Variants in ZNF345 observed in about 807,000 individuals in gnomAD.
ZNF345 encodes the protein zinc finger protein 345.
For missense variants in ZNF345, 527 were observed against 589.9 expected, an observed-to-expected ratio of 0.89 and a Z score of 1.10; for synonymous variants, 166 against 187.9, an observed-to-expected ratio of 0.88 and a Z score of 0.95.
In ZNF345 at chr19:36,877,600, C is replaced by CAT. The variant is rs1568360899; in HGVS notation, c.777_778dup (p.Cys260TyrfsTer132). On this transcript the variant is annotated frameshift_variant, in exon 3 of 3. Transcript: ENST00000420450. LOFTEE classifies it low-confidence loss of function (END_TRUNC). ...CAGAGAATTCATACCGGTGAGAAACCATATATATGTAATGAATGTGGTAAG... is the reference window on the plus strand; with the variant it reads ...CAGAGAATTCATACCGGTGAGAAACCATATATATATGTAATGAATGTGGTAAG... 1 of 1,614,004 alleles carries CAT rather than the reference C, an allele frequency of 6.2e-7. No homozygotes were observed. Among genetic ancestry groups the CAT allele is most frequent in the African/African-American group, 1.3e-5 (1 of 74,982 alleles).
In ZNF345 at chr19:36,878,197, G is replaced by A. The variant is rs767218083; in HGVS notation, c.1367G>A (p.Cys456Tyr). The change falls in exon 3 of 3, where the codon TGT (cysteine) becomes TAT (tyrosine). Residue 456 changes from cysteine (C) to tyrosine (Y), a missense_variant. Transcript: ENST00000420450. ...CATACAGGTGAGAAACTTTATGAAT[G>A]TAAGAACTGTGGGAAGGCTTATGGG... ...RIHTGEKLYE[C>Y]KNCGKAYGRD... is the part of the protein sequence containing the mutation. The A allele has an allele frequency of 9.9e-6, 16 of 1,614,136 alleles. No homozygotes were observed. The East Asian group carries it at 3.3e-4, about 34-fold the overall frequency.
chr19:36,888,917 GC>G (rs1474903155), intron 3 of ZNF345: 8 of 152,106 alleles, frequency 5.3e-5, no homozygotes, highest in African/African-American at 1.7e-4. Context: ...GGACTACAGT[GC>G]CTGCCACCAT....
downstream of ZNF345, among the ~76,000 whole-genome samples, chr19:36,880,567 T>C (rs1245018932): frequency 6.6e-6 from 1 of 151,944 alleles, no homozygotes; most frequent in East Asian, 1.9e-4. Context: ...GGCAGGAGGA[T>C]TGCTGGAAGC....
chr19:36,862,749 TTGG>T (rs901451055), intron 2 of ZNF345, among the ~76,000 whole-genome samples: 1 of 152,010 alleles, frequency 6.6e-6, no homozygotes, highest in Non-Finnish European at 1.5e-5. Context: ...AACCCTTGTT[TTGG>T]TGCGTGTTAA....
At chr19:36,891,369 T>C (rs1836160744) in intron 3 of ZNF345, 4 of 990,006 alleles carry the variant, frequency 4.0e-6, no homozygotes, top group Middle Eastern at 2.3e-4. Flanking sequence ...TACTTTGTTA[T>C]CGTATCGTTT....
intron 3 of ZNF345, among the ~76,000 whole-genome samples, chr19:36,886,498 C>T (rs889554322): frequency 2.0e-5 from 3 of 152,172 alleles, no homozygotes; most frequent in Non-Finnish European, 4.4e-5. Context: ...CAGATCTTAG[C>T]GGAGGAACAT....
rs11670862 is a variant in ZNF345, at chr19:36,877,297, G to C, written c.467G>C (p.Ser156Thr). The C allele has an allele frequency of 5.3e-5, 85 of 1,613,912 alleles. No homozygotes were observed. Among genetic ancestry groups the C allele is most frequent in the Admixed American group, 2.7e-4 (16 of 59,996 alleles). ...YECKECGKAF[S>T]FGSGLIRHQI... Reference sequence around the variant, plus strand: ...TGTAAGGAATGTGGGAAAGCCTTTAGTTTTGGATCAGGCCTTATTCGACAT... The same window carrying C: ...TGTAAGGAATGTGGGAAAGCCTTTACTTTTGGATCAGGCCTTATTCGACAT... The change falls in exon 3 of 3, where the codon AGT becomes ACT. Residue 156 changes from serine to threonine, a missense_variant. Physicochemically the swap from Ser to Thr is moderately conservative, Grantham distance 58. Transcript: ENST00000420450.
chr19:36,861,558 T>TTA (rs911339762), intron 2 of ZNF345, among the ~76,000 whole-genome samples: 3 of 152,124 alleles, frequency 2.0e-5, no homozygotes, highest in African/African-American at 4.8e-5. Context: ...ATCTTTTTAT[T>TTA]TTTATTTATT....
intron 2 of ZNF345, among the ~76,000 whole-genome samples, chr19:36,853,233 CTT>C (rs1428665033): frequency 7.2e-6 from 1 of 138,292 alleles, no homozygotes; most frequent in Non-Finnish European, 1.5e-5. Context: ...CAAAAGCTTG[CTT>C]TCTTTCTTTC....
intron 2 of ZNF345, among the ~76,000 whole-genome samples, chr19:36,856,786 A>G (rs144380920): frequency 0.011 from 1,690 of 151,644 alleles, 17 homozygotes; most frequent in East Asian, 0.055. Context: ...GGAGGCAGAG[A>G]CTGCAGTGAG....
intron 3 of ZNF345, chr19:36,892,307 C>T: frequency 6.2e-7 from 1 of 1,613,738 alleles, no homozygotes; most frequent in Non-Finnish European, 8.5e-7. Flanking sequence ...AAGGTCTTTC[C>T]ACATATCTTA....
At chr19:36,871,096 G>T (rs1436703457) in intron 2 of ZNF345, among the ~76,000 whole-genome samples, 2 of 152,216 alleles carry the variant, frequency 1.3e-5, no homozygotes, top group Non-Finnish European at 2.9e-5. Context: ...TGATCAAGAT[G>T]TTGGCAGATT....
rs2072935483 is a variant in ZNF345, at chr19:36,878,349, G to C, written c.*52G>C. On this transcript the variant is annotated 3_prime_UTR_variant, in exon 3 of 3. Coordinates refer to ENST00000420450, the MANE Select transcript of ZNF345 (RefSeq NM_001242472.2). ...AACATATGACTTAAGAAAATTCATA[G>C]TGGTGAAAATCTCTACAAATAGAAC... 6 of 1,494,402 alleles carry C rather than the reference G, an allele frequency of 4.0e-6. No homozygotes were observed. In the South Asian group the frequency reaches 8.4e-5, roughly 21 times the overall value. The allele number at this position is 1,494,402 out of a possible 1,614,324, so 92.6% of individuals were successfully genotyped here. A position where few individuals can be genotyped will look rare whatever the true frequency, so the allele number is the denominator to read the frequency against.
At chr19:36,880,377 G>A (rs948179946), downstream of ZNF345, among the ~76,000 whole-genome samples, 7 of 151,986 alleles carry the variant, frequency 4.6e-5, no homozygotes, top group Non-Finnish European at 8.8e-5. Flanking sequence ...AGATTATAAA[G>A]TGTGAGAAGA....
intron 2 of ZNF345, among the ~76,000 whole-genome samples, chr19:36,872,316 G>A (rs1019513663): frequency 3.3e-5 from 5 of 152,118 alleles, no homozygotes; most frequent in African/African-American, 4.8e-5. Context: ...TGTCCCCTCC[G>A]AATCTTATGT....
At chr19:36,876,246 G>T (rs1262932850) in intron 2 of ZNF345, among the ~76,000 whole-genome samples, 10 of 152,082 alleles carry the variant, frequency 6.6e-5, no homozygotes, top group Admixed American at 6.5e-4. Flanking sequence ...CTTTCATTGG[G>T]AAACTGCTCT....
At position 36,859,092 on chromosome 19, in the gene ZNF345, T is replaced by TAAA. The variant is rs11306503; in HGVS notation, c.-47+7201_-47+7203dup. Among the ~76,000 whole-genome samples, 9 of 142,786 alleles carry TAAA rather than the reference T, an allele frequency of 6.3e-5. No individual in the cohort carries two copies. In the East Asian group the frequency reaches 8.1e-4, roughly 13 times the overall value. The allele number at this position is 142,786 out of a possible 152,430, so 93.7% of individuals were successfully genotyped here. On this transcript the variant is annotated intron_variant, in intron 2 of 2. Transcript: ENST00000420450. Reference sequence around the variant, plus strand: ...CACGTTTAATCAGCAGTCTTCTTTTTAAAAAAAAAAAAAAACTTTCAAAAG... The same window carrying TAAA: ...CACGTTTAATCAGCAGTCTTCTTTTTAAAAAAAAAAAAAAAAAACTTTCAAAAG...
intron 2 of ZNF345, among the ~76,000 whole-genome samples, chr19:36,875,489 G>A (rs548979939): frequency 2.0e-5 from 3 of 152,178 alleles, no homozygotes; most frequent in Non-Finnish European, 2.9e-5. Context: ...TTGTTGGGTG[G>A]GGGGTGCAGG....
chr19:36,867,090 G>C (rs1460551554), intron 2 of ZNF345, among the ~76,000 whole-genome samples: 1 of 152,108 alleles, frequency 6.6e-6, no homozygotes, highest in African/African-American at 2.4e-5. Context: ...TTTCAAAGTG[G>C]TTGTATGAAA....
Sources: allele counts gnomAD v4.1 joint callset (sites outside exome capture counted in the v4.1 genomes callset), GRCh38; gene constraint gnomAD v4.1.1; transcripts MANE v1.5; gene names NCBI Gene and HGNC (gene_info 2026-07-23, HGNC 2026-07-21).